CNTNAP4: variants seen among roughly 807,000 people sequenced by gnomAD.
The protein encoded by CNTNAP4 is contactin-associated protein-like 4.
In CNTNAP4, 98 loss-of-function variants were observed where a neutral mutation model predicts 148.4. The observed-to-expected ratio is 0.66, with a 90% CI of 0.56 to 0.78. The LOEUF (loss-of-function observed/expected upper bound fraction) is 0.78, where lower values mean the gene tolerates loss of function less well. Among genes scored for constraint, CNTNAP4 ranks in the 30% least tolerant of loss-of-function variants. The pLI is 0.00. For synonymous variants in CNTNAP4, 730 were observed against 565.1 expected (o/e 1.29, Z -4.14); for missense variants, 1,935 against 1,565.6 (o/e 1.24, Z -3.98).
intron 21 of CNTNAP4, among the ~76,000 whole-genome samples, chr16:76,544,257 C>G (rs1462639374): frequency 6.6e-6 from 1 of 151,196 alleles, no homozygotes; most frequent in East Asian, 1.9e-4. Context: ...CAACAAACGA[C>G]TTAAGTATAT....
intron 1 of CNTNAP4, chr16:76,309,963 C>A: frequency 2.9e-6 from 2 of 691,548 alleles, no homozygotes; most frequent in South Asian, 3.0e-5. Flanking sequence ...TTATCAGCAG[C>A]ATGGAAACGG....
chr16:76,301,840 G>T (rs1299103560), intron 1 of CNTNAP4, among the ~76,000 whole-genome samples: 1 of 152,128 alleles, frequency 6.6e-6, no homozygotes, highest in African/African-American at 2.4e-5. Flanking sequence ...TGGCAGTGGG[G>T]AAAAATGAAG....
At chr16:76,373,551 G>T (rs143269409) in intron 3 of CNTNAP4, among the ~76,000 whole-genome samples, 168 of 152,214 alleles carry the variant, frequency 1.1e-3, no homozygotes, top group Admixed American at 1.9e-3. Context: ...TTTAGGAAAA[G>T]ATTCAAATGT....
intron 4 of CNTNAP4, among the ~76,000 whole-genome samples, chr16:76,429,157 C>T (rs1267011200): frequency 6.6e-6 from 1 of 152,146 alleles, no homozygotes; most frequent in Non-Finnish European, 1.5e-5. Context: ...ATGTTAGTTC[C>T]TCACGTCACA....
rs1487765895 is a variant in CNTNAP4, at chr16:76,449,060, C to CATTTCCCA, written c.927+110_927+111insTTTCCCAA. ...CCCACCTTTTCAGTAAATCATAGAA[C>CATTTCCCA]AGGTGAAGCATTTCCCAAGGCAGTC... On this transcript the variant is annotated intron_variant, in intron 6 of 23. Coordinates refer to ENST00000611870, the MANE Select transcript of CNTNAP4 (RefSeq NM_033401.5). The CATTTCCCA allele has an allele frequency of 1.5e-5, 15 of 1,022,032 alleles. 1 individual carries two copies. In the East Asian group the frequency reaches 4.0e-4, roughly 27 times the overall value. 63.3% of individuals were successfully genotyped at this position (1,022,032 alleles called of 1,614,324 possible).
chr16:76,480,833 A>G (rs569238000), intron 12 of CNTNAP4, among the ~76,000 whole-genome samples: 11 of 152,346 alleles, frequency 7.2e-5, no homozygotes, highest in Middle Eastern at 3.4e-3. Context: ...AACCTAAATT[A>G]AAACTCAAGC....
chr16:76,435,761 C>G (rs2079800516), intron 4 of CNTNAP4, among the ~76,000 whole-genome samples: 1 of 152,170 alleles, frequency 6.6e-6, no homozygotes, highest in Non-Finnish European at 1.5e-5. Flanking sequence ...AGTGGGCCAT[C>G]TTTTAATCCT....
intron 2 of CNTNAP4, among the ~76,000 whole-genome samples, chr16:76,354,269 A>G (rs1303197260): frequency 6.6e-6 from 1 of 152,226 alleles, no homozygotes; most frequent in Non-Finnish European, 1.5e-5. Context: ...AATTCCCCAA[A>G]TTATTATATT....
chr16:76,534,189 T>C (rs548134358), intron 17 of CNTNAP4, among the ~76,000 whole-genome samples: 1 of 152,320 alleles, frequency 6.6e-6, no homozygotes, highest in East Asian at 1.9e-4. Flanking sequence ...TTTCTATGTA[T>C]ATTGTGGTTT....
intron 4 of CNTNAP4, among the ~76,000 whole-genome samples, chr16:76,443,211 T>G (rs1189341922): frequency 1.3e-5 from 2 of 152,100 alleles, no homozygotes; most frequent in African/African-American, 4.8e-5. Flanking sequence ...AGAAAAATAA[T>G]TCTTATTCTT....
intron 1 of CNTNAP4, among the ~76,000 whole-genome samples, chr16:76,279,846 A>G (rs1368131564): frequency 6.6e-6 from 1 of 152,292 alleles, no homozygotes; most frequent in East Asian, 1.9e-4. Context: ...TCATTTTTCA[A>G]TATTTAAGAA....
At chr16:76,488,440 G>T (rs1398928036) in intron 12 of CNTNAP4, among the ~76,000 whole-genome samples, 1 of 152,128 alleles carries the variant, frequency 6.6e-6, no homozygotes, top group African/African-American at 2.4e-5. Flanking sequence ...CAATAATTCT[G>T]TGAAGTTGGT....
At chr16:76,504,755 C>A (rs143459848) in intron 15 of CNTNAP4, among the ~76,000 whole-genome samples, 1 of 152,032 alleles carries the variant, frequency 6.6e-6, no homozygotes. Flanking sequence ...GTAACTCTCT[C>A]GTGGTGCAAT....
chr16:76,315,636 C>T (rs148761261), intron 1 of CNTNAP4, among the ~76,000 whole-genome samples: 88 of 152,028 alleles, frequency 5.8e-4, no homozygotes, highest in Middle Eastern at 3.4e-3. Flanking sequence ...ACTCCGTCAC[C>T]CAGGCTGGAG....
At chr16:76,361,665 G>T (rs2013453670) in intron 3 of CNTNAP4, among the ~76,000 whole-genome samples, 1 of 152,118 alleles carries the variant, frequency 6.6e-6, no homozygotes, top group Non-Finnish European at 1.5e-5. Context: ...AGTTCTTTTG[G>T]ATAAATACCT....
intron 2 of CNTNAP4, among the ~76,000 whole-genome samples, chr16:76,351,186 A>G (rs943635291): frequency 1.3e-5 from 2 of 152,194 alleles, no homozygotes; most frequent in African/African-American, 4.8e-5. Context: ...TTTGATAGTA[A>G]TACAGAGTTT....
chr16:76,304,993 G>C (rs1163301814), intron 1 of CNTNAP4, among the ~76,000 whole-genome samples: 1 of 152,134 alleles, frequency 6.6e-6, no homozygotes, highest in Non-Finnish European at 1.5e-5. Context: ...AGCACAGTTT[G>C]TTTAATCACT....
At chr16:76,435,153 G>C (rs932748728) in intron 4 of CNTNAP4, among the ~76,000 whole-genome samples, 1 of 152,114 alleles carries the variant, frequency 6.6e-6, no homozygotes, top group African/African-American at 2.4e-5. Flanking sequence ...TTCATTCAAG[G>C]GGTTCTGGGT....
In CNTNAP4 at chr16:76,448,937, A is replaced by C; in HGVS notation, c.913A>C (p.Asn305His). The change falls in exon 6 of 24, where the codon AAT becomes CAT. Residue 305 changes from asparagine to histidine, a missense_variant. Coordinates refer to ENST00000611870, the MANE Select transcript of CNTNAP4 (RefSeq NM_033401.5). The stretch of plus-strand genomic sequence containing the variant: ...TGCACGGGGAGAATTCAATCTCATG[A>C]ATCTTGATTATGAGGTGTGATGGTT... ...FHARGEFNLM[N>H]LDYEISFGGI... is the part of the protein sequence containing the mutation. The C allele has an allele frequency of 6.2e-7, 1 of 1,613,358 alleles. No homozygotes were observed. Among genetic ancestry groups the C allele is most frequent in the Non-Finnish European group, 8.5e-7 (1 of 1,179,570 alleles).
Sources: gnomAD v4.1 joint callset for allele counts (sites outside exome capture counted in the v4.1 genomes callset) on GRCh38, gnomAD v4.1.1 for gene constraint, MANE v1.5 for transcripts, NCBI Gene and HGNC (gene_info 2026-07-23, HGNC 2026-07-21) for gene names.